CA7: variants seen among roughly 807,000 people sequenced by gnomAD.
CA7 encodes carbonate dehydratase VII.
In CA7, 13 loss-of-function variants were observed where a neutral mutation model predicts 31.4. That is an observed-to-expected ratio of 0.41 (90% CI 0.27 to 0.66). CA7 has a LOEUF of 0.66. Among genes scored for constraint, CA7 ranks in the 30% least tolerant of loss-of-function variants. The pLI, the probability that CA7 is intolerant of heterozygous loss-of-function variation, is 0.28. For synonymous variants in CA7, 128 were observed against 133.2 expected (o/e 0.96, Z 0.27); for missense variants, 215 against 351.0 (o/e 0.61, Z 3.10).
chr16:66,848,825 G>A (rs1007963812), intron 2 of CA7, among the ~76,000 whole-genome samples: 1 of 152,198 alleles, frequency 6.6e-6, no homozygotes, highest in Non-Finnish European at 1.5e-5. Flanking sequence ...GCATGCTTTG[G>A]AGGGTGGCAT....
Position 66,847,049 on chromosome 16 carries a change from G to A in CA7, c.60G>A (p.Lys20=). 2 of 1,614,130 alleles carry A rather than the reference G, an allele frequency of 1.2e-6. No homozygotes were observed. The highest frequency in any genetic ancestry group is 1.7e-6 in the Non-Finnish European group (2 of 1,180,014). ...GQDDGPSHWH[K]LYPIAQGDRQ... The stretch of plus-strand genomic sequence containing the variant: ...CTGCAGGCCCCTCGCATTGGCACAA[G>A]CTGTATCCCATTGCCCAGGGAGATC... Residue 20 remains lysine, a synonymous_variant, in exon 2 of 7, where the codon AAG becomes AAA. Coordinates refer to ENST00000338437, the MANE Select transcript of CA7 (RefSeq NM_005182.3).
intron 2 of CA7, among the ~76,000 whole-genome samples, chr16:66,850,272 T>C (rs189441535): frequency 1.8e-3 from 270 of 152,000 alleles, no homozygotes; most frequent in African/African-American, 6.3e-3. Context: ...AGACCCCATC[T>C]CTACAAAAAA....
chr16:66,852,184 C>T (rs573883145), intron 5 of CA7, among the ~76,000 whole-genome samples: 3 of 152,040 alleles, frequency 2.0e-5, no homozygotes, highest in South Asian at 4.2e-4. Flanking sequence ...TGGAGAATGC[C>T]GGGCATGGTG....
intron 1 of CA7, chr16:66,844,860 T>A: frequency 9.7e-7 from 1 of 1,028,874 alleles, no homozygotes. Context: ...GCGCAGCGCG[T>A]GGGGGTGGCC....
chr16:66,847,943 G>A (rs1423067618), intron 2 of CA7, among the ~76,000 whole-genome samples: 5 of 152,158 alleles, frequency 3.3e-5, no homozygotes, highest in Non-Finnish European at 4.4e-5. Context: ...AGGGATTTTC[G>A]TCCTTATGAC....
At chr16:66,849,186 GGCCTCGT>G (rs1262055956) in intron 2 of CA7, among the ~76,000 whole-genome samples, 1 of 152,160 alleles carries the variant, frequency 6.6e-6, no homozygotes, top group Non-Finnish European at 1.5e-5. Context: ...AGTCCCAGGA[GGCCTCGT>G]GCATGGCCCC....
chr16:66,851,576 G>A lies in CA7; in HGVS notation c.453+18G>A. ...TTTTGGAGGTGAGTGGTGGTTTGCT[G>A]GGGCCTGGAGGGGCATGGGAGGCCT... On this transcript the variant is annotated intron_variant, in intron 4 of 6. Coordinates refer to ENST00000338437, the MANE Select transcript of CA7 (RefSeq NM_005182.3). 6.2e-7 allele frequency: 1 copy of A among 1,613,628 alleles called. No individual in the cohort carries two copies. The highest frequency in any genetic ancestry group is 8.5e-7 in the Non-Finnish European group (1 of 1,179,504).
chr16:66,845,150 C>G (rs1233960109), intron 1 of CA7: 2 of 985,526 alleles, frequency 2.0e-6, no homozygotes, highest in Non-Finnish European at 2.4e-6. Context: ...TGGCCCACAC[C>G]AGCCTCCTGG....
In CA7 at chr16:66,851,843, G is replaced by A. The variant is rs919519228; in HGVS notation, c.516+117G>A. On this transcript the variant is annotated intron_variant, in intron 5 of 6. Coordinates refer to ENST00000338437, the MANE Select transcript of CA7 (RefSeq NM_005182.3). Reference sequence around the variant, plus strand: ...AGTAAACCCTTGCTGAGACCAAGGAGGAGGGTCAGCATCAGCAGGGCCCTG... The same window carrying A: ...AGTAAACCCTTGCTGAGACCAAGGAAGAGGGTCAGCATCAGCAGGGCCCTG... The A allele has an allele frequency of 1.4e-4, 132 of 910,500 alleles. 2 individuals are homozygous for A. In the Admixed American group the frequency reaches 2.6e-3, roughly 18 times the overall value. 56.4% of individuals were successfully genotyped at this position (910,500 alleles called of 1,614,324 possible).
chr16:66,844,563 A>G, intron 1 of CA7, 36 bp downstream of exon 1: 1 of 1,520,788 alleles, frequency 6.6e-7, no homozygotes, highest in Non-Finnish European at 8.9e-7. Context: ...TCTGGCTCGG[A>G]CCCCCGACCC....
At chr16:66,847,403 A>ACCTAC (rs1960952154) in intron 2 of CA7, among the ~76,000 whole-genome samples, 176 bp downstream of exon 2, 1 of 152,142 alleles carries the variant, frequency 6.6e-6, no homozygotes, top group African/African-American at 2.4e-5. Context: ...GAGCAATAAG[A>ACCTAC]CCTACCCTCT....
Position 66,852,868 on chromosome 16 carries a change from G to T in CA7, c.672+1G>T. 1 of 1,612,784 alleles carries T rather than the reference G, an allele frequency of 6.2e-7. No homozygotes were observed. The highest frequency in any genetic ancestry group is 8.5e-7 in the Non-Finnish European group (1 of 1,179,176). ...GCCCATCTGCATCTCTGAAAGGCAGGTGAGTCCTCTCAGAGGACCAGATGG... is the reference window on the plus strand; with the variant it reads ...GCCCATCTGCATCTCTGAAAGGCAGTTGAGTCCTCTCAGAGGACCAGATGG... On this transcript the variant is annotated splice_donor_variant, in intron 6 of 6. Coordinates refer to ENST00000338437, the MANE Select transcript of CA7 (RefSeq NM_005182.3). LOFTEE classifies it high-confidence loss of function.
In CA7 at chr16:66,844,544, C is replaced by T; in HGVS notation, c.40+17C>T. The T allele has an allele frequency of 1.3e-6, 2 of 1,538,264 alleles. No homozygotes were observed. The highest frequency in any genetic ancestry group is 2.4e-5 in the South Asian group (2 of 82,492). ...AGGACGACGGTAGGCACAGACCTCC[C>T]CCACCGCCTCTGGCTCGGACCCCCG... is the stretch of plus-strand genomic sequence containing the variant. On this transcript the variant is annotated intron_variant, in intron 1 of 6. Transcript: ENST00000338437.
chr16:66,846,037 A>G (rs1451565069), intron 1 of CA7, among the ~76,000 whole-genome samples: 1 of 152,208 alleles, frequency 6.6e-6, no homozygotes, highest in East Asian at 1.9e-4. Context: ...GAAGCCAAAA[A>G]GGGGGAGAAG....
Position 66,853,525 on chromosome 16 carries a change from A to T in CA7, c.*27A>T. ...CTGCCCATCTGCCTAGCCGGCCACT[A>T]GGGCACCATCTTCTCAAGGGCTTCC... On this transcript the variant is annotated 3_prime_UTR_variant, in exon 7 of 7. Coordinates refer to ENST00000338437, the MANE Select transcript of CA7 (RefSeq NM_005182.3). This position sits in a 1 kb window ranked among gnomAD's most constrained non-coding sequence, Gnocchi z 4.5. The T allele has an allele frequency of 6.2e-7, 1 of 1,612,778 alleles. No homozygotes were observed. Among genetic ancestry groups the T allele is most frequent in the Non-Finnish European group, 8.5e-7 (1 of 1,179,708 alleles).
intron 5 of CA7, 72 bp from the exon 6 acceptor site, chr16:66,852,640 G>T: frequency 9.8e-7 from 1 of 1,019,928 alleles, no homozygotes; most frequent in Non-Finnish European, 1.4e-6. Flanking sequence ...GAAAGAGATG[G>T]GTGGAGAAGT....
intron 5 of CA7, 132 bp downstream of exon 5, chr16:66,851,858 G>A: frequency 1.3e-6 from 1 of 782,842 alleles, no homozygotes; most frequent in South Asian, 1.5e-5. Flanking sequence ...GTCAGCATCA[G>A]CAGGGCCCTG....
intron 2 of CA7, among the ~76,000 whole-genome samples, chr16:66,848,531 C>T (rs1363475992): frequency 1.3e-5 from 2 of 152,182 alleles, no homozygotes; most frequent in Non-Finnish European, 2.9e-5. Flanking sequence ...GCCTTCAGGC[C>T]TGGCTGGGGC....
intron 2 of CA7, among the ~76,000 whole-genome samples, chr16:66,847,615 A>T (rs1960956748): frequency 6.6e-6 from 1 of 152,108 alleles, no homozygotes; most frequent in Non-Finnish European, 1.5e-5. Context: ...CCTAGCAGGG[A>T]GAGAGAAGGG....
Sources: allele counts gnomAD v4.1 joint callset (sites outside exome capture counted in the v4.1 genomes callset), GRCh38; gene constraint gnomAD v4.1.1; non-coding constraint Gnocchi (gnomAD v3.1); transcripts MANE v1.5; gene names NCBI Gene and HGNC (gene_info 2026-07-23, HGNC 2026-07-21).